Variants in IRAK2 observed in about 807,000 individuals in gnomAD.
The protein encoded by IRAK2 is interleukin-1 receptor-associated kinase-like 2.
In IRAK2, 57 loss-of-function variants were observed where a neutral mutation model predicts 72.0. The observed-to-expected ratio is 0.79, with a 90% CI of 0.64 to 0.99. The LOEUF (loss-of-function observed/expected upper bound fraction) is 0.99. IRAK2 is among the 50% of genes least tolerant of loss of function. IRAK2 has a pLI of 0.00. For missense variants in IRAK2, 790 were observed against 794.4 expected (o/e 0.99, Z 0.07); for synonymous variants, 293 against 312.7 (o/e 0.94, Z 0.67).
At chr3:10,205,407 C>A (rs1032019445) in intron 3 of IRAK2, among the ~76,000 whole-genome samples, 1 of 152,156 alleles carries the variant, frequency 6.6e-6, no homozygotes, top group Admixed American at 6.5e-5. Flanking sequence ...TAAATAAACC[C>A]AACTAATAGC....
intron 1 of IRAK2, 85 bp downstream of exon 1, chr3:10,165,133 G>A (rs1327176175): frequency 2.5e-6 from 3 of 1,206,818 alleles, no homozygotes; most frequent in Non-Finnish European, 3.6e-6. Context: ...AGCTCCCTCG[G>A]GCACCCGGGT....
rs150069241 is a variant in IRAK2, at chr3:10,229,957, C to G, written c.1272+3524C>G. On this transcript the variant is annotated intron_variant, in intron 10 of 12. Coordinates refer to ENST00000256458, the MANE Select transcript of IRAK2 (RefSeq NM_001570.4). ...CTCTACTAAAAACACAAAATTAGCC[C>G]TGTGTGGTGGCGAGTGCCTGTAATC... is the stretch of plus-strand genomic sequence containing the variant. Among the ~76,000 whole-genome samples the G allele has an allele frequency of 1.9e-3, 286 of 151,984 alleles. 6 individuals are homozygous for G. The South Asian group carries it at 0.033, about 18-fold the overall frequency.
At chr3:10,240,558 C>CCCCCTTCT (rs1274154130) in intron 12 of IRAK2, among the ~76,000 whole-genome samples, 1 of 18,066 alleles carries the variant, frequency 5.5e-5, no homozygotes, top group African/African-American at 3.4e-4. Flanking sequence ...CCCCCCCCGC[C>CCCCCTTCT]TTTTTTTTTT....
chr3:10,166,622 T>G (rs1360221346), intron 1 of IRAK2, among the ~76,000 whole-genome samples: 1 of 152,182 alleles, frequency 6.6e-6, no homozygotes, highest in African/African-American at 2.4e-5. Flanking sequence ...AATATTCTTA[T>G]AAGTCATAAG....
chr3:10,216,809 T>A, intron 6 of IRAK2, 125 bp from the exon 7 acceptor site: 1 of 702,276 alleles, frequency 1.4e-6, no homozygotes, highest in South Asian at 1.7e-5. Context: ...GGGGTCAGAG[T>A]ATGTGGTACC....
At chr3:10,211,256 C>T (rs1027927833) in intron 4 of IRAK2, among the ~76,000 whole-genome samples, 5 of 152,128 alleles carry the variant, frequency 3.3e-5, no homozygotes, top group Admixed American at 1.3e-4. Flanking sequence ...ATTCTCCTGC[C>T]TCAGCCTCCT....
chr3:10,210,150 A>G (rs1697496744), intron 4 of IRAK2, among the ~76,000 whole-genome samples: 1 of 152,082 alleles, frequency 6.6e-6, no homozygotes, highest in African/African-American at 2.4e-5. Flanking sequence ...CGAACTCCTG[A>G]CGTCAGGTGA....
chr3:10,213,619 G>T, intron 6 of IRAK2, 71 bp downstream of exon 6: 2 of 1,164,752 alleles, frequency 1.7e-6, no homozygotes, highest in Non-Finnish European at 2.6e-6. Flanking sequence ...GCCCAGTCAT[G>T]TTTTAAGCAC....
At chr3:10,235,464 T>TA (rs1319587514) in intron 11 of IRAK2, among the ~76,000 whole-genome samples, 2 of 152,130 alleles carry the variant, frequency 1.3e-5, no homozygotes, top group African/African-American at 4.8e-5. Context: ...TGTCCGGCCT[T>TA]GCTTGGTCTT....
intron 11 of IRAK2, among the ~76,000 whole-genome samples, chr3:10,235,411 C>A (rs1011588854): frequency 2.6e-5 from 4 of 151,980 alleles, no homozygotes; most frequent in Non-Finnish European, 5.9e-5. Context: ...AATTCTCTTG[C>A]CTCAGCCTCC....
chr3:10,228,509 C>T (rs137861886), intron 10 of IRAK2, among the ~76,000 whole-genome samples: 55 of 152,242 alleles, frequency 3.6e-4, no homozygotes, highest in African/African-American at 1.2e-3. Flanking sequence ...TGGGGCTCCC[C>T]GGACAAGTGT....
intron 11 of IRAK2, among the ~76,000 whole-genome samples, chr3:10,236,746 C>A (rs1697966569): frequency 6.6e-6 from 1 of 152,094 alleles, no homozygotes; most frequent in Non-Finnish European, 1.5e-5. Flanking sequence ...GACTTTCATT[C>A]TTTTATTCAT....
chr3:10,169,272 C>T (rs1314355985), intron 1 of IRAK2, among the ~76,000 whole-genome samples: 1 of 152,184 alleles, frequency 6.6e-6, no homozygotes, highest in South Asian at 2.1e-4. Flanking sequence ...AACATCTTAA[C>T]AGGAAACAGG....
At position 10,213,308 on chromosome 3, in the gene IRAK2, C is replaced by T. The variant is rs1168715432; in HGVS notation, c.630C>T (p.Phe210=). The change falls in exon 5 of 13, where the codon TTC becomes TTT. Residue 210 remains phenylalanine (F), a synonymous_variant. Coordinates refer to ENST00000256458, the MANE Select transcript of IRAK2 (RefSeq NM_001570.4). The stretch of plus-strand genomic sequence containing the variant: ...ACGTGGTCCAGGCAACCGATGACTT[C>T]AATCAAAACCGCAAAATCAGCCAGG... ...EADVVQATDD[F]NQNRKISQGT... is the part of the protein sequence containing the mutation. 1 of 1,614,136 alleles carries T rather than the reference C, an allele frequency of 6.2e-7. No homozygotes were observed. The highest frequency in any genetic ancestry group is 1.7e-5 in the Admixed American group (1 of 60,012).
chr3:10,214,332 C>T (rs370767454), intron 6 of IRAK2, among the ~76,000 whole-genome samples: 1 of 151,352 alleles, frequency 6.6e-6, no homozygotes, highest in Non-Finnish European at 1.5e-5. Flanking sequence ...GGCTGGTGAT[C>T]CTCCCACCTC....
chr3:10,242,182 T>C lies in IRAK2; in HGVS notation c.1832T>C (p.Leu611Pro). Residue 611 changes from leucine to proline, a missense_variant, in exon 13 of 13, where the codon CTC becomes CCC. Transcript: ENST00000256458. ...AGGAAACTGATGGAGAATATTCTGC[T>C]CTACAAAGAGGAAAAAGTGGACAGC... Reference protein sequence around the residue: ...AKRKLMENILLYKEEKVDSIE... With the variant: ...AKRKLMENILPYKEEKVDSIE... 6.2e-7 allele frequency: 1 copy of C among 1,613,780 alleles called. No individual in the cohort carries two copies. The highest frequency in any genetic ancestry group is 8.5e-7 in the Non-Finnish European group (1 of 1,179,800).
chr3:10,219,939 T>G, intron 8 of IRAK2, 150 bp downstream of exon 8: 1 of 627,264 alleles, frequency 1.6e-6, no homozygotes, highest in Admixed American at 2.6e-5. Flanking sequence ...CCTGGATGTC[T>G]TTTTCTCTGT....
rs1204783396 is a variant in IRAK2 at position 10,222,686 on chromosome 3, T to C, written c.1064T>C (p.Met355Thr). The part of the protein sequence containing the change: ...QNLTPKLAHP[M>T]AHLCPVNKRS... ...CTCACCCCCAAACTTGCTCACCCAA[T>C]GGCTCATCTGTGTCCTGTCAACAAA... The change falls in exon 9 of 13, where the codon ATG becomes ACG. Residue 355 changes from methionine (M) to threonine (T), a missense_variant. Transcript: ENST00000256458. 4.3e-6 allele frequency: 7 copies of C among 1,614,054 alleles called. No homozygotes were observed. The highest frequency in any genetic ancestry group is 1.6e-4 in the Middle Eastern group (1 of 6,084).
In IRAK2 at chr3:10,184,965, T is replaced by A. The variant is rs546611471; in HGVS notation, c.277+6945T>A. Among the ~76,000 whole-genome samples, 543 of 150,702 alleles carry A rather than the reference T, an allele frequency of 3.6e-3. 22 individuals carry two copies. The highest frequency in any genetic ancestry group is 0.013 in the African/African-American group (507 of 40,548). On this transcript the variant is annotated intron_variant, in intron 2 of 12. Coordinates refer to ENST00000256458, the MANE Select transcript of IRAK2 (RefSeq NM_001570.4). ...TGTTAGCCAGGGTGATCTCCTGACC[T>A]CGTGATCCGCCCGCCTTGGCCTCCC... is the stretch of plus-strand genomic sequence containing the variant.
Sources: gnomAD v4.1 joint callset for allele counts (sites outside exome capture counted in the v4.1 genomes callset) on GRCh38, gnomAD v4.1.1 for gene constraint, MANE v1.5 for transcripts, NCBI Gene and HGNC (gene_info 2026-07-23, HGNC 2026-07-21) for gene names.